Variants in ITSN2 observed in about 807,000 individuals in gnomAD.
The protein encoded by ITSN2 is intersectin 2.
ITSN2 carries 156 observed loss-of-function variants against 243.7 expected under a neutral mutation model. The observed-to-expected ratio is 0.64, with a 90% CI of 0.56 to 0.73. The LOEUF (loss-of-function observed/expected upper bound fraction) is 0.73, where lower values mean the gene tolerates loss of function less well. Ranked by LOEUF, ITSN2 falls within the 30% of genes least tolerant of loss-of-function variation. The probability of loss-of-function intolerance (pLI) is 0.00; values close to 1 mark genes in which losing one functional copy is unlikely to be tolerated. For missense variants in ITSN2, 1,801 were observed against 1,996.1 expected (o/e 0.90, Z 1.86); for synonymous variants, 703 against 699.9 (o/e 1.00, Z -0.07).
chr2:24,245,651 CT>C, intron 29 of ITSN2, among the ~76,000 whole-genome samples: 1 of 151,920 alleles, frequency 6.6e-6, no homozygotes, highest in Non-Finnish European at 1.5e-5. Flanking sequence ...GCTAATTTTG[CT>C]ATTTTTTGTC....
At chr2:24,212,355 C>CT (rs759120066) in intron 33 of ITSN2, among the ~76,000 whole-genome samples, 2 of 152,138 alleles carry the variant, frequency 1.3e-5, no homozygotes, top group Non-Finnish European at 2.9e-5. Context: ...CTTTCCCTGC[C>CT]TGGACAAGTA....
chr2:24,323,769 T>C (rs1245836325), intron 2 of ITSN2, among the ~76,000 whole-genome samples: 3 of 152,226 alleles, frequency 2.0e-5, no homozygotes, highest in Non-Finnish European at 4.4e-5. Flanking sequence ...CCTGCCATAT[T>C]AGGAGTCCTC....
At chr2:24,288,298 T>A (rs1055092621) in intron 15 of ITSN2, among the ~76,000 whole-genome samples, 1 of 152,264 alleles carries the variant, frequency 6.6e-6, no homozygotes, top group African/African-American at 2.4e-5. Flanking sequence ...GTCTTCTTGA[T>A]ACCCTTGTCA....
At chr2:24,226,142 C>T (rs563168082) in intron 29 of ITSN2, among the ~76,000 whole-genome samples, 9 of 152,280 alleles carry the variant, frequency 5.9e-5, no homozygotes, top group South Asian at 2.1e-4. Context: ...CTGAGCACAG[C>T]GTGTTGGCTA....
In ITSN2 at chr2:24,337,315, A is replaced by AATATATATATATATATAC. The variant is rs1686505402; in HGVS notation, c.-33-9201_-33-9200insGTATATATATATATATAT. ...TGTGTGTGTGTGTGTGTATACACAA[A>AATATATATATATATATAC]ATATATATATATATATATATATATA... On this transcript the variant is annotated intron_variant, in intron 1 of 39. Coordinates refer to ENST00000355123, the MANE Select transcript of ITSN2 (RefSeq NM_006277.3). Among the ~76,000 whole-genome samples, 8 of 32,018 alleles carry AATATATATATATATATAC rather than the reference A, an allele frequency of 2.5e-4. 1 individual carries two copies. The Admixed American group carries it at 2.7e-3, about 11-fold the overall frequency. The allele number at this position is 32,018 out of a possible 152,430, so 21.0% of individuals were successfully genotyped here. A position where few individuals can be genotyped will look rare whatever the true frequency, so the allele number is the denominator to read the frequency against.
intron 1 of ITSN2, among the ~76,000 whole-genome samples, chr2:24,332,387 G>A (rs1685892799): frequency 6.6e-6 from 1 of 152,004 alleles, no homozygotes; most frequent in African/African-American, 2.4e-5. Flanking sequence ...AATAGTAGAT[G>A]CTCAGTAATC....
intron 2 of ITSN2, among the ~76,000 whole-genome samples, chr2:24,319,119 C>A (rs1249968382): frequency 1.3e-5 from 2 of 152,090 alleles, no homozygotes; most frequent in African/African-American, 4.8e-5. Context: ...GTCCCTGGTG[C>A]CAAAAAGGTT....
intron 29 of ITSN2, among the ~76,000 whole-genome samples, chr2:24,233,820 T>TCCTCCCACTATA (rs1459867655): frequency 1.3e-5 from 2 of 152,090 alleles, no homozygotes; most frequent in Non-Finnish European, 2.9e-5. Flanking sequence ...ATCAAAGCAA[T>TCCTCCCACTATA]CCTCCCACTA....
chr2:24,237,269 CTTTTA>C (rs1034241315), intron 29 of ITSN2, among the ~76,000 whole-genome samples: 17 of 152,224 alleles, frequency 1.1e-4, no homozygotes, highest in African/African-American at 3.6e-4. Context: ...CACTTTTCCT[CTTTTA>C]TTTTTACTGG....
chr2:24,290,453 T>A (rs989244207), intron 15 of ITSN2, among the ~76,000 whole-genome samples: 6 of 152,186 alleles, frequency 3.9e-5, no homozygotes, highest in Admixed American at 1.3e-4. Context: ...AATTTTTTAG[T>A]GTTTATGCTG....
chr2:24,263,585 C>A (rs1676201320), intron 20 of ITSN2, among the ~76,000 whole-genome samples: 1 of 152,178 alleles, frequency 6.6e-6, no homozygotes, highest in African/African-American at 2.4e-5. Context: ...CTCCCCATGA[C>A]CTTCCCTGCC....
At chr2:24,322,337 T>A (rs1684665648) in intron 2 of ITSN2, among the ~76,000 whole-genome samples, 1 of 152,162 alleles carries the variant, frequency 6.6e-6, no homozygotes, top group Non-Finnish European at 1.5e-5. Context: ...CCCAAGGTAA[T>A]AAAATTGGTA....
intron 29 of ITSN2, among the ~76,000 whole-genome samples, chr2:24,245,307 A>G (rs1673208500): frequency 6.6e-6 from 1 of 152,216 alleles, no homozygotes; most frequent in African/African-American, 2.4e-5. Context: ...GTGACTATCT[A>G]AAGAATCACC....
At chr2:24,250,966 G>A (rs1193439112) in intron 25 of ITSN2, among the ~76,000 whole-genome samples, 1 of 151,994 alleles carries the variant, frequency 6.6e-6, no homozygotes, top group Non-Finnish European at 1.5e-5. Context: ...AAGGCAGGTG[G>A]ATCACTGGAG....
intron 23 of ITSN2, among the ~76,000 whole-genome samples, chr2:24,256,983 T>C (rs1261911582): frequency 1.3e-5 from 2 of 152,128 alleles, no homozygotes. Context: ...GGAGAAATGC[T>C]TGAAAGAAAA....
At chr2:24,232,961 A>G (rs1559472) in intron 29 of ITSN2, among the ~76,000 whole-genome samples, 66,072 of 151,992 alleles carry the variant, frequency 0.43, 16,271 homozygotes, top group Admixed American at 0.6. Flanking sequence ...GAAAAAGCAA[A>G]CAAGGCCCTT....
chr2:24,244,526 T>C (rs1226447934), intron 29 of ITSN2, among the ~76,000 whole-genome samples: 1 of 152,200 alleles, frequency 6.6e-6, no homozygotes, highest in African/African-American at 2.4e-5. Flanking sequence ...AAGCCAAATG[T>C]ACTGACACAC....
intron 29 of ITSN2, among the ~76,000 whole-genome samples, chr2:24,223,754 AAGGGGAGGGG>A (rs70944729): frequency 7.3e-6 from 1 of 136,640 alleles, no homozygotes; most frequent in African/African-American, 2.7e-5. Flanking sequence ...GGGGAAAGGG[AAGGGGAGGGG>A]AGGGGAGGGG....
At chr2:24,319,874 G>A (rs1684353091) in intron 2 of ITSN2, among the ~76,000 whole-genome samples, 1 of 152,242 alleles carries the variant, frequency 6.6e-6, no homozygotes, top group East Asian at 1.9e-4. Flanking sequence ...CAAAAACACA[G>A]TAATGTACAT....
Sources: allele counts gnomAD v4.1 joint callset (sites outside exome capture counted in the v4.1 genomes callset), GRCh38; gene constraint gnomAD v4.1.1; transcripts MANE v1.5; gene names NCBI Gene and HGNC (gene_info 2026-07-23, HGNC 2026-07-21).